DGKH: variants seen among roughly 807,000 people sequenced by gnomAD.
DGKH encodes the protein DAG kinase eta.
In DGKH, 90 loss-of-function variants were observed where a neutral mutation model predicts 159.3. The ratio of observed to expected loss-of-function variants is 0.57; its 90% CI spans 0.48 to 0.67. The LOEUF (loss-of-function observed/expected upper bound fraction) is 0.67. DGKH is among the 30% of genes least tolerant of loss of function. DGKH has a pLI of 0.00. For missense variants in DGKH, 1,181 were observed against 1,506.1 expected, an observed-to-expected ratio of 0.78 and a Z score of 3.57; for synonymous variants, 536 against 553.8, an observed-to-expected ratio of 0.97 and a Z score of 0.45.
intron 1 of DGKH, among the ~76,000 whole-genome samples, chr13:42,108,665 G>C (rs1286381561): frequency 2.0e-5 from 3 of 152,172 alleles, no homozygotes; most frequent in Non-Finnish European, 4.4e-5. Context: ...AATGGAGCTG[G>C]AGTGAAAATG....
intron 25 of DGKH, among the ~76,000 whole-genome samples, chr13:42,215,012 T>C (rs1957753358): frequency 6.6e-6 from 1 of 152,208 alleles, no homozygotes; most frequent in Admixed American, 6.5e-5. Flanking sequence ...GCACTGAAAT[T>C]ATTCCTACTT....
intron 30 of DGKH, among the ~76,000 whole-genome samples, chr13:42,255,092 A>G (rs962603642): frequency 9.2e-5 from 14 of 151,588 alleles, no homozygotes; most frequent in Non-Finnish European, 1.9e-4. Flanking sequence ...AGTACTAGAA[A>G]ATTTAATATT....
intron 28 of DGKH, among the ~76,000 whole-genome samples, chr13:42,220,357 A>G (rs375992490): frequency 3.5e-4 from 54 of 152,344 alleles, no homozygotes; most frequent in African/African-American, 1.2e-3. Context: ...TCAAGCAAAG[A>G]TTAAGCCCCC....
Position 42,230,677 on chromosome 13 carries a change from CAT to C in DGKH, c.*1494_*1495del, listed in dbSNP as rs889323058. 2 of 151,716 alleles carry C rather than the reference CAT, an allele frequency of 1.3e-5. No homozygotes were observed. The highest frequency in any genetic ancestry group is 2.4e-5 in the African/African-American group (1 of 41,334). The allele number at this position is 151,716 out of a possible 1,614,324, so 9.4% of individuals were successfully genotyped here. ...ATACACACAGATATATACATATACA[CAT>C]ATATGTGTATATATACATACATACA... On this transcript the variant is annotated 3_prime_UTR_variant, in exon 30 of 30. Transcript: ENST00000337343.
At chr13:42,190,766 A>G (rs1957044525) in intron 16 of DGKH, among the ~76,000 whole-genome samples, 2 of 152,242 alleles carry the variant, frequency 1.3e-5, no homozygotes. Context: ...ATAACAATAA[A>G]CTAAGGATTA....
In DGKH at chr13:42,174,093, A is replaced by G. The variant is rs143425038; in HGVS notation, c.1401A>G (p.Pro467=). ...TAATGACATATGAACTCAAATTGCC[A>G]CCAAAAGCTTCCCTACTTCCAGGAC... ...WSIMTYELKL[P]PKASLLPGPP... The change falls in exon 12 of 30, where the codon CCA becomes CCG. Residue 467 remains proline (P), a synonymous_variant. Transcript: ENST00000337343. 116 of 1,613,778 alleles carry G rather than the reference A, an allele frequency of 7.2e-5. No homozygotes were observed. The highest frequency in any genetic ancestry group is 9.5e-5 in the Non-Finnish European group (112 of 1,179,978).
At position 42,207,096 on chromosome 13, in the gene DGKH, T is replaced by G. The variant is rs192641672; in HGVS notation, c.2601+950T>G. Among the ~76,000 whole-genome samples, 117 of 139,068 alleles carry G rather than the reference T, an allele frequency of 8.4e-4. 6 individuals carry two copies. Among genetic ancestry groups the G allele is most frequent in the African/African-American group, 3.0e-3 (111 of 36,460 alleles). The allele number at this position is 139,068 out of a possible 152,430, so 91.2% of individuals were successfully genotyped here. On this transcript the variant is annotated intron_variant, in intron 21 of 29. Coordinates refer to ENST00000337343, the MANE Select transcript of DGKH (RefSeq NM_178009.5). ...TTCTTTCTTTCTTTCTTTCTTTCTT[T>G]CTTTCTTTCTTTCTTTCTCTTTCTC...
chr13:42,155,234 T>C, intron 3 of DGKH, 57 bp from the exon 4 acceptor site: 6 of 1,352,756 alleles, frequency 4.4e-6, no homozygotes, highest in Non-Finnish European at 6.1e-6. Flanking sequence ...TGTTAGGTTT[T>C]GCAACAATCT....
At chr13:42,116,792 T>A (rs539645908) in intron 1 of DGKH, among the ~76,000 whole-genome samples, 1 of 152,232 alleles carries the variant, frequency 6.6e-6, no homozygotes, top group Admixed American at 6.5e-5. Flanking sequence ...AAATTACTTT[T>A]ATTTTCTTTA....
chr13:42,182,908 TAA>T (rs5803119), intron 13 of DGKH, among the ~76,000 whole-genome samples: 40 of 148,008 alleles, frequency 2.7e-4, no homozygotes, highest in South Asian at 6.4e-4. Flanking sequence ...ACAAGGTCTT[TAA>T]AAAAAAAAAA....
chr13:42,143,553 A>G (rs1013827219), intron 3 of DGKH, among the ~76,000 whole-genome samples: 4 of 152,136 alleles, frequency 2.6e-5, no homozygotes, highest in East Asian at 1.9e-4. Context: ...TTGGTAAGCT[A>G]TTAATTATTG....
At position 42,048,736 on chromosome 13, in the gene DGKH, C is replaced by T; in HGVS notation, c.-38C>T. On this transcript the variant is annotated 5_prime_UTR_variant, in exon 1 of 30. Transcript: ENST00000337343. This position sits in a 1 kb window ranked among gnomAD's most constrained non-coding sequence, Gnocchi z 6.7. The stretch of plus-strand genomic sequence containing the variant: ...ACCCGCTGACCAACGCCGCCGCCCC[C>T]GCCGGGCGGTGCTGTGTCCCCGCAG... The T allele has an allele frequency of 8.0e-7, 1 of 1,245,852 alleles. No homozygotes were observed. Among genetic ancestry groups the T allele is most frequent in the East Asian group, 3.2e-5 (1 of 30,972 alleles). The allele number at this position is 1,245,852 out of a possible 1,614,324, so 77.2% of individuals were successfully genotyped here.
At chr13:42,214,178 T>C (rs1957731987) in intron 24 of DGKH, among the ~76,000 whole-genome samples, 1 of 152,254 alleles carries the variant, frequency 6.6e-6, no homozygotes, top group Non-Finnish European at 1.5e-5. Flanking sequence ...CTAGTCTTTA[T>C]ACTTGTGATC....
At chr13:42,246,530 G>C (rs182294420), downstream of DGKH, among the ~76,000 whole-genome samples, 128 of 152,166 alleles carry the variant, frequency 8.4e-4, no homozygotes, top group African/African-American at 3.0e-3. Flanking sequence ...TACCAACCCC[G>C]TGAGTTTATT....
In DGKH at chr13:42,240,474, A is replaced by T. The variant is rs572921221; in HGVS notation, c.*11286A>T. ...GCCCTAAAGATCATCTTTCTCTTTT[A>T]TAGACATTTAGTGTATACAGTCCAC... On this transcript the variant is annotated 3_prime_UTR_variant, in exon 30 of 30. Coordinates refer to ENST00000337343, the MANE Select transcript of DGKH (RefSeq NM_178009.5). 6.6e-6 allele frequency: 1 copy of T among 152,224 alleles called. No homozygotes were observed. The highest frequency in any genetic ancestry group is 2.1e-4 in the South Asian group (1 of 4,832). 9.4% of individuals were successfully genotyped at this position (152,224 alleles called of 1,614,324 possible).
chr13:42,203,647 A>G (rs976997409), intron 20 of DGKH, among the ~76,000 whole-genome samples: 1 of 152,148 alleles, frequency 6.6e-6, no homozygotes, highest in Non-Finnish European at 1.5e-5. Flanking sequence ...GCATTTTGCA[A>G]CATCATGAAC....
intron 11 of DGKH, among the ~76,000 whole-genome samples, chr13:42,171,993 C>G (rs1196412032): frequency 2.0e-5 from 3 of 151,986 alleles, no homozygotes; most frequent in African/African-American, 7.3e-5. Context: ...CCACGCCCGG[C>G]TAATTTTTGT....
chr13:42,118,468 G>T (rs1239731645), intron 1 of DGKH, among the ~76,000 whole-genome samples: 1 of 152,198 alleles, frequency 6.6e-6, no homozygotes, highest in Non-Finnish European at 1.5e-5. Context: ...GTAGGTTGCT[G>T]TCTTTGCCCT....
intron 20 of DGKH, among the ~76,000 whole-genome samples, 162 bp from the exon 21 acceptor site, chr13:42,205,877 T>TA (rs139699266): frequency 1.3e-5 from 2 of 151,962 alleles, no homozygotes; most frequent in Non-Finnish European, 2.9e-5. Context: ...TTTTTTTAAT[T>TA]AAAAAAAATA....
Sources: allele counts gnomAD v4.1 joint callset (sites outside exome capture counted in the v4.1 genomes callset), GRCh38; gene constraint gnomAD v4.1.1; non-coding constraint Gnocchi (gnomAD v3.1); transcripts MANE v1.5; gene names NCBI Gene and HGNC (gene_info 2026-07-23, HGNC 2026-07-21).